Variants in SAMSN1 observed in about 807,000 individuals in gnomAD.
SAMSN1 encodes the protein SAM domain, SH3 domain and nuclear localization signals 1.
Under a neutral mutation model 42.0 loss-of-function variants are expected in SAMSN1, and 31 were observed. The observed-to-expected ratio is 0.74, with a 90% confidence interval of 0.55 to 1.00. The LOEUF is 1.00. SAMSN1 is among the 50% of genes least tolerant of loss of function. SAMSN1 has a pLI of 0.00. For missense variants in SAMSN1, 464 were observed against 439.4 expected (o/e 1.06, Z -0.50); for synonymous variants, 178 against 151.9 (o/e 1.17, Z -1.26).
chr21:14,573,537 AAAAACAAAAAC>A (rs1179717487), intron 2 of SAMSN1, among the ~76,000 whole-genome samples: 1 of 152,168 alleles, frequency 6.6e-6, no homozygotes, highest in Non-Finnish European at 1.5e-5. Flanking sequence ...AAATCAAAAC[AAAAACAAAAAC>A]AAAACCCTAA....
At chr21:14,607,423 G>A (rs575820619) in intron 5 of SAMSN1, among the ~76,000 whole-genome samples, 1 of 152,260 alleles carries the variant, frequency 6.6e-6, no homozygotes, top group East Asian at 1.9e-4. Context: ...AATTTATAAT[G>A]TTACAGACAG....
rs1205194947 is a variant in SAMSN1 at position 14,610,586 on chromosome 21, G to A, written c.236-1018C>T. 1.8e-4 allele frequency among the ~76,000 whole-genome samples: 27 copies of A among 151,306 alleles called. 1 individual carries two copies. Among genetic ancestry groups the A allele is most frequent in the Non-Finnish European group, 2.9e-5 (2 of 68,028 alleles). On this transcript the variant is annotated intron_variant, in intron 4 of 15. Transcript: ENST00000647101. ...AAAATTGCTAATAAAAACCTGCTGG[G>A]TTTGTGGCTCGGGGGCATCACAAAA... is the stretch of plus-strand genomic sequence containing the variant.
chr21:14,655,178 C>G (rs1286029047), intron 1 of SAMSN1, among the ~76,000 whole-genome samples: 1 of 151,616 alleles, frequency 6.6e-6, no homozygotes, highest in African/African-American at 2.4e-5. Flanking sequence ...TGAATAATCA[C>G]AGAAATTTAT....
chr21:14,502,241 C>T (rs997257946), intron 5 of SAMSN1, among the ~76,000 whole-genome samples: 5 of 141,776 alleles, frequency 3.5e-5, no homozygotes, highest in African/African-American at 1.5e-4. Flanking sequence ...TCTGTCTAGT[C>T]CTGTGATCTG....
intron 2 of SAMSN1, among the ~76,000 whole-genome samples, chr21:14,564,423 A>C (rs1027881880): frequency 2.0e-5 from 3 of 152,214 alleles, no homozygotes; most frequent in African/African-American, 7.2e-5. Context: ...TCTTAACAAC[A>C]GTATCAAGTG....
At chr21:14,577,632 A>C (rs1379825268) in intron 2 of SAMSN1, among the ~76,000 whole-genome samples, 2 of 151,952 alleles carry the variant, frequency 1.3e-5, no homozygotes, top group Non-Finnish European at 2.9e-5. Context: ...TAGCTTACAG[A>C]GCTTCGTAAG....
intron 2 of SAMSN1, among the ~76,000 whole-genome samples, chr21:14,571,123 T>C (rs1406719151): frequency 6.6e-6 from 1 of 152,192 alleles, no homozygotes; most frequent in African/African-American, 2.4e-5. Flanking sequence ...CATGTAACAA[T>C]CATAGCTCTT....
chr21:14,649,937 A>T (rs145633219), intron 1 of SAMSN1, among the ~76,000 whole-genome samples: 78 of 152,302 alleles, frequency 5.1e-4, no homozygotes, highest in African/African-American at 1.8e-3. Context: ...CTATAAGAAG[A>T]GACAAAGAAG....
intron 7 of SAMSN1, among the ~76,000 whole-genome samples, chr21:14,492,053 A>T (rs918337692): frequency 6.6e-6 from 1 of 152,166 alleles, no homozygotes; most frequent in Non-Finnish European, 1.5e-5. Flanking sequence ...AATTTATTTA[A>T]CAGGTTAATT....
chr21:14,524,537 A>G (rs965489775), intron 1 of SAMSN1, among the ~76,000 whole-genome samples: 4 of 152,170 alleles, frequency 2.6e-5, no homozygotes, highest in Non-Finnish European at 4.4e-5. Context: ...CACAATACCT[A>G]TAAAGGGAAA....
chr21:14,541,365 C>G (rs1386240306), intron 1 of SAMSN1, among the ~76,000 whole-genome samples: 3 of 151,362 alleles, frequency 2.0e-5, no homozygotes, highest in Admixed American at 2.0e-4. Context: ...AGTATCCATA[C>G]TTGAACCAGG....
intron 2 of SAMSN1, among the ~76,000 whole-genome samples, chr21:14,572,427 T>A (rs1485807333): frequency 1.3e-5 from 2 of 152,178 alleles, no homozygotes; most frequent in East Asian, 3.8e-4. Flanking sequence ...CACCATATGC[T>A]GCTTCTCTTT....
At chr21:14,615,743 A>G (rs569303556) in intron 3 of SAMSN1, among the ~76,000 whole-genome samples, 1 of 151,878 alleles carries the variant, frequency 6.6e-6, no homozygotes, top group South Asian at 2.1e-4. Context: ...GTTTCTTCTG[A>G]AAAATTTAAT....
chr21:14,504,480 A>T (rs776832426), intron 5 of SAMSN1, among the ~76,000 whole-genome samples: 1 of 152,250 alleles, frequency 6.6e-6, no homozygotes, highest in Non-Finnish European at 1.5e-5. Flanking sequence ...CCAGCAACAG[A>T]ATTGAATAAG....
chr21:14,593,560 A>G (rs991295616), intron 7 of SAMSN1, among the ~76,000 whole-genome samples: 1 of 152,120 alleles, frequency 6.6e-6, no homozygotes, highest in Non-Finnish European at 1.5e-5. Context: ...TGGTTTTACT[A>G]TATTTCATTC....
intron 2 of SAMSN1, among the ~76,000 whole-genome samples, chr21:14,558,928 G>A (rs1455499536): frequency 4.6e-5 from 7 of 151,906 alleles, no homozygotes; most frequent in Non-Finnish European, 1.5e-5. Context: ...CTTTTCTACC[G>A]ACTCAGCTCC....
intron 5 of SAMSN1, among the ~76,000 whole-genome samples, chr21:14,506,964 G>A (rs935146845): frequency 2.0e-5 from 3 of 152,174 alleles, no homozygotes; most frequent in Admixed American, 2.0e-4. Context: ...CTCAATAGAT[G>A]CAGAAAAAGC....
intron 2 of SAMSN1, among the ~76,000 whole-genome samples, chr21:14,520,702 A>T (rs1223774635): frequency 6.6e-6 from 1 of 151,944 alleles, no homozygotes; most frequent in Non-Finnish European, 1.5e-5. Flanking sequence ...TTCCCAACTG[A>T]TTCTCTCTTA....
At chr21:14,652,281 C>A (rs753248509) in intron 1 of SAMSN1, among the ~76,000 whole-genome samples, 1 of 152,030 alleles carries the variant, frequency 6.6e-6, no homozygotes, top group Non-Finnish European at 1.5e-5. Context: ...CATTACCTGA[C>A]TTCAAATTAG....
Sources: allele counts gnomAD v4.1 joint callset (sites outside exome capture counted in the v4.1 genomes callset), GRCh38; gene constraint gnomAD v4.1.1; transcripts MANE v1.5; gene names NCBI Gene and HGNC (gene_info 2026-07-23, HGNC 2026-07-21).